Variants in IGDCC3 observed in about 807,000 individuals in gnomAD.
IGDCC3 encodes the protein immunoglobulin superfamily DCC subclass member 3.
In IGDCC3, 47 loss-of-function variants were observed where a neutral mutation model predicts 72.0. That is an observed-to-expected ratio of 0.65 (90% CI 0.52 to 0.83). The LOEUF (loss-of-function observed/expected upper bound fraction) is 0.83, where lower values mean the gene tolerates loss of function less well. IGDCC3 is among the 40% of genes least tolerant of loss of function. IGDCC3 has a pLI of 0.00. For synonymous variants in IGDCC3, 477 were observed against 472.8 expected, an observed-to-expected ratio of 1.01 and a Z score of -0.11; for missense variants, 1,038 against 1,091.3, an observed-to-expected ratio of 0.95 and a Z score of 0.69.
chr15:65,329,321 G>T lies in IGDCC3; in HGVS notation c.2205+69C>A, dbSNP rs541216285. On this transcript the variant is annotated intron_variant, in intron 13 of 13. Transcript: ENST00000327987. The surrounding 1 kb of genome is among the most constrained non-coding windows in gnomAD (Gnocchi z 4.1). ...ATCGAGGCCCGTGGCCAAGGTGAAG[G>T]GGGGCAGGATTGGAAGGTGGCAGTG... The T allele has an allele frequency of 2.0e-6, 3 of 1,500,302 alleles. No individual in the cohort carries two copies. The highest frequency in any genetic ancestry group is 2.1e-5 in the Admixed American group (1 of 46,886). 92.9% of individuals were successfully genotyped at this position (1,500,302 alleles called of 1,614,324 possible).
intron 2 of IGDCC3, among the ~76,000 whole-genome samples, chr15:65,360,852 T>C (rs1234236360): frequency 3.9e-5 from 6 of 152,178 alleles, no homozygotes; most frequent in Non-Finnish European, 8.8e-5. Context: ...CTCAGCTCAC[T>C]GCAACCTCTG....
chr15:65,367,362 AAAAAG>A (rs1180226575), intron 2 of IGDCC3, among the ~76,000 whole-genome samples: 2 of 150,206 alleles, frequency 1.3e-5, no homozygotes, highest in Non-Finnish European at 3.0e-5. Flanking sequence ...AAAAAAAAAA[AAAAAG>A]AAAAGAAAAA....
At chr15:65,335,475 C>T in intron 3 of IGDCC3, 54 bp from the exon 4 acceptor site, 3 of 1,555,578 alleles carry the variant, frequency 1.9e-6, no homozygotes, top group Non-Finnish European at 2.6e-6. Context: ...ACATAATCAG[C>T]CACAAAGACT....
intron 6 of IGDCC3, 65 bp from the exon 7 acceptor site, chr15:65,332,171 G>T (rs1235949834): frequency 2.6e-6 from 4 of 1,540,750 alleles, no homozygotes; most frequent in Non-Finnish European, 3.5e-6. Flanking sequence ...GCATGAGGAA[G>T]GGAACAGGGG....
At position 65,328,964 on chromosome 15, in the gene IGDCC3, TG is replaced by T; in HGVS notation, c.2389del (p.Gln797ArgfsTer111). 6.3e-7 allele frequency: 1 copy of T among 1,589,624 alleles called. No homozygotes were observed. Among genetic ancestry groups the T allele is most frequent in the Non-Finnish European group, 8.5e-7 (1 of 1,170,406 alleles). On this transcript the variant is annotated frameshift_variant, in exon 14 of 14. Coordinates refer to ENST00000327987, the MANE Select transcript of IGDCC3 (RefSeq NM_004884.4). LOFTEE classifies it low-confidence loss of function (END_TRUNC). ...DGGPGLLSEG[Q>X]ASRPAAARVT... is the part of the protein sequence containing the mutation. ...CCGGGCCGCTGCAGGCCTGGAAGCC[TG>T]GCCTTCACTGAGGAGGCCAGGGCCT...
chr15:65,375,712 T>C (rs907218189), intron 1 of IGDCC3, among the ~76,000 whole-genome samples: 1 of 152,214 alleles, frequency 6.6e-6, no homozygotes, highest in African/African-American at 2.4e-5. Flanking sequence ...TCACAGTCAG[T>C]AGTTGCAAAA....
At chr15:65,332,284 G>A (rs771990272) in intron 6 of IGDCC3, among the ~76,000 whole-genome samples, 178 bp from the exon 7 acceptor site, 1 of 152,164 alleles carries the variant, frequency 6.6e-6, no homozygotes, top group Non-Finnish European at 1.5e-5. Flanking sequence ...GCCCAGCTCA[G>A]GAGATGGCCC....
At position 65,335,431 on chromosome 15, in the gene IGDCC3, G is replaced by T; in HGVS notation, c.555-10C>A. ...GGGCAGCAATGTGTACCTGTTGAGG[G>T]GAGGGACATAGTTGGCCACCAGCAC... is the stretch of plus-strand genomic sequence containing the variant. On this transcript the variant is annotated splice_polypyrimidine_tract_variant and intron_variant, in intron 3 of 13. Coordinates refer to ENST00000327987, the MANE Select transcript of IGDCC3 (RefSeq NM_004884.4). 1 of 1,600,616 alleles carries T rather than the reference G, an allele frequency of 6.2e-7. No homozygotes were observed.
chr15:65,369,143 A>G (rs1195599335), intron 2 of IGDCC3, among the ~76,000 whole-genome samples: 1 of 152,180 alleles, frequency 6.6e-6, no homozygotes, highest in African/African-American at 2.4e-5. Flanking sequence ...GGAGGAAGAT[A>G]TGACTGTAAG....
chr15:65,375,285 G>A lies in IGDCC3; in HGVS notation c.221C>T (p.Thr74Ile), dbSNP rs1407215673. 3 of 1,614,140 alleles carry A rather than the reference G, an allele frequency of 1.9e-6. No homozygotes were observed. The Admixed American group carries it at 5.0e-5, about 27-fold the overall frequency. ...CAGCTCTACCCCATTCTTCCTCCAG[G>A]TGATTCGCACTGGAGGGGTCCCCTC... Reference protein sequence around the residue: ...RVEGTPPVRITWRKNGVELPE... With the variant: ...RVEGTPPVRIIWRKNGVELPE... The change falls in exon 2 of 14, where the codon ACC (threonine) becomes ATC (isoleucine). Residue 74 changes from threonine to isoleucine, a missense_variant. Thr to Ile is a moderately conservative substitution (Grantham distance 89). Coordinates refer to ENST00000327987, the MANE Select transcript of IGDCC3 (RefSeq NM_004884.4).
At position 65,339,894 on chromosome 15, in the gene IGDCC3, G is replaced by A. The variant is rs1197076234; in HGVS notation, c.410-3938C>T. On this transcript the variant is annotated intron_variant, in intron 2 of 13. Coordinates refer to ENST00000327987, the MANE Select transcript of IGDCC3 (RefSeq NM_004884.4). The surrounding 1 kb of genome is among the most constrained non-coding windows in gnomAD (Gnocchi z 4.1). Reference sequence around the variant, plus strand: ...ACTTCAAGTTGGGTGATGGGAAGGGGGTGATGGGCAATGGTCTTCCAGGTG... The same window carrying A: ...ACTTCAAGTTGGGTGATGGGAAGGGAGTGATGGGCAATGGTCTTCCAGGTG... 6.6e-6 allele frequency among the ~76,000 whole-genome samples: 1 copy of A among 152,164 alleles called. No individual in the cohort carries two copies. Among genetic ancestry groups the A allele is most frequent in the Non-Finnish European group, 1.5e-5 (1 of 68,036 alleles).
At chr15:65,366,081 G>A (rs986143331) in intron 2 of IGDCC3, among the ~76,000 whole-genome samples, 5 of 151,950 alleles carry the variant, frequency 3.3e-5, no homozygotes. Context: ...GGTGGCAGGC[G>A]CCTGTAGTCC....
intron 6 of IGDCC3, among the ~76,000 whole-genome samples, chr15:65,332,662 C>A (rs984209095): frequency 2.0e-5 from 3 of 152,226 alleles, no homozygotes; most frequent in Non-Finnish European, 2.9e-5. Context: ...CACTTCCCAC[C>A]CTTTCCCCCG....
intron 2 of IGDCC3, among the ~76,000 whole-genome samples, chr15:65,347,417 A>G (rs1170548583): frequency 2.0e-5 from 3 of 152,134 alleles, no homozygotes; most frequent in Non-Finnish European, 4.4e-5. Context: ...AATAATCTCT[A>G]AGGTCCATAC....
At chr15:65,363,539 G>A (rs1303681007) in intron 2 of IGDCC3, among the ~76,000 whole-genome samples, 1 of 152,216 alleles carries the variant, frequency 6.6e-6, no homozygotes, top group Non-Finnish European at 1.5e-5. Flanking sequence ...CCACAAGGCT[G>A]TAGGCCACCT....
Position 65,330,377 on chromosome 15 carries a change from C to G in IGDCC3, c.1774G>C (p.Val592Leu). The G allele has an allele frequency of 6.2e-7, 1 of 1,613,928 alleles. No homozygotes were observed. The highest frequency in any genetic ancestry group is 8.5e-7 in the Non-Finnish European group (1 of 1,179,864). ...SQLDPTAVYE[V>L]KLLAYNQHGD... ...TGCTGGTTGTAGGCGAGCAGCTTCA[C>G]CTCATACACTGCAGTGGGGTCTGGA... The change falls in exon 11 of 14, where the codon GTG (valine) becomes CTG (leucine). Residue 592 changes from valine to leucine, a missense_variant. Val to Leu is a conservative substitution (Grantham distance 32, BLOSUM62 1). Transcript: ENST00000327987.
chr15:65,331,105 T>A lies in IGDCC3; in HGVS notation c.1506A>T (p.Thr502=). The A allele has an allele frequency of 6.2e-7, 1 of 1,613,880 alleles. No homozygotes were observed. Among genetic ancestry groups the A allele is most frequent in the African/African-American group, 1.3e-5 (1 of 74,960 alleles). Residue 502 remains threonine (T), a synonymous_variant, in exon 9 of 14, where the codon ACA becomes ACT. Transcript: ENST00000327987. The part of the protein sequence containing the change: ...TAYSFYIKAY[T]PRGASSASVP... Reference sequence around the variant, plus strand: ...CAGAGGCTGAGCTGGCCCCCCTTGGTGTGTAGGCCTTGATGTAGAAACTGT... The same window carrying A: ...CAGAGGCTGAGCTGGCCCCCCTTGGAGTGTAGGCCTTGATGTAGAAACTGT...
In IGDCC3 at chr15:65,335,809, C is replaced by T. The variant is rs374935830; in HGVS notation, c.554+3G>A. ...CCCTCTGTCTTTCCCACACGTGGCT[C>T]ACCTCTCATTGTCCGTGTCAATTGG... On this transcript the variant is annotated splice_donor_region_variant and intron_variant, in intron 3 of 13. Coordinates refer to ENST00000327987, the MANE Select transcript of IGDCC3 (RefSeq NM_004884.4). 5.0e-6 allele frequency: 8 copies of T among 1,614,122 alleles called. No homozygotes were observed. The highest frequency in any genetic ancestry group is 5.9e-6 in the Non-Finnish European group (7 of 1,179,994).
At chr15:65,375,754 C>T (rs2091355197) in intron 1 of IGDCC3, among the ~76,000 whole-genome samples, 1 of 152,180 alleles carries the variant, frequency 6.6e-6, no homozygotes, top group African/African-American at 2.4e-5. Context: ...GACTCCAATA[C>T]AGATGCTGCT....
Sources: allele counts gnomAD v4.1 joint callset (sites outside exome capture counted in the v4.1 genomes callset), GRCh38; gene constraint gnomAD v4.1.1; non-coding constraint Gnocchi (gnomAD v3.1); transcripts MANE v1.5; gene names NCBI Gene and HGNC (gene_info 2026-07-23, HGNC 2026-07-21).